The following ANO9 variants were observed in gnomAD, a reference collection of about 807,000 sequenced individuals.
The protein encoded by ANO9 is anoctamin 9, also known as anoctamin-9.
In ANO9, 80 loss-of-function variants were observed where a neutral mutation model predicts 100.5. The observed-to-expected ratio is 0.80, with a 90% CI of 0.66 to 0.96. The LOEUF (loss-of-function observed/expected upper bound fraction) is 0.96. Among genes scored for constraint, ANO9 ranks in the 40% least tolerant of loss-of-function variants. The pLI, the probability that ANO9 is intolerant of heterozygous loss-of-function variation, is 0.00. For synonymous variants in ANO9, 473 were observed against 435.6 expected (o/e 1.09, Z -1.07); for missense variants, 1,064 against 1,072.7 (o/e 0.99, Z 0.11).
intron 19 of ANO9, chr11:420,143 G>C (rs984260553): frequency 7.4e-7 from 1 of 1,345,112 alleles, no homozygotes; most frequent in Non-Finnish European, 9.6e-7. Flanking sequence ...TCTCAGCGTG[G>C]CCAGTCTTGG....
Position 420,958 on chromosome 11 carries a change from C to T in ANO9, c.1477G>A (p.Glu493Lys). ...GLKQTLSNCVEYLVPWVTHKC... is the reference protein window; with the variant it reads ...GLKQTLSNCVKYLVPWVTHKC... Reference sequence around the variant, plus strand: ...GTCGGCACTCACGGGACCAGGTACTCGACGCAGTTGCTGAGCGTCTGCTTC... The same window carrying T: ...GTCGGCACTCACGGGACCAGGTACTTGACGCAGTTGCTGAGCGTCTGCTTC... Residue 493 changes from glutamate (E) to lysine (K), a missense_variant, in exon 17 of 23, where the codon GAG (glutamate) becomes AAG (lysine). Physicochemically the swap from Glu to Lys is moderately conservative, Grantham distance 56. Transcript: ENST00000332826. 3 of 1,605,122 alleles carry T rather than the reference C, an allele frequency of 1.9e-6. No homozygotes were observed. Among genetic ancestry groups the T allele is most frequent in the Non-Finnish European group, 2.6e-6 (3 of 1,174,830 alleles).
chr11:425,028 GGA>G (rs1311790986), intron 15 of ANO9, among the ~76,000 whole-genome samples: 4 of 113,250 alleles, frequency 3.5e-5, no homozygotes, highest in African/African-American at 1.4e-4. Flanking sequence ...AAGGCGGCGT[GGA>G]GAGACGGGAC....
At position 431,759 on chromosome 11, in the gene ANO9, T is replaced by C. The variant is rs774050052; in HGVS notation, c.474A>G (p.Gly158=). ...EARFPLHKGE[G]RLKKTWARWR... ...ACCGCGCCCACGTCTTCTTCAGGCG[T>C]CCCTCCCCCTGGCTCGGGTGACAGA... Residue 158 remains glycine, a synonymous_variant, in exon 7 of 23, where the codon GGA becomes GGG. Coordinates refer to ENST00000332826, the MANE Select transcript of ANO9 (RefSeq NM_001012302.3). The C allele has an allele frequency of 6.2e-7, 1 of 1,612,530 alleles. No individual in the cohort carries two copies. Among genetic ancestry groups the C allele is most frequent in the Non-Finnish European group, 8.5e-7 (1 of 1,179,544 alleles).
At chr11:433,068 A>C in intron 4 of ANO9, 1 of 516,346 alleles carries the variant, frequency 1.9e-6, no homozygotes, top group Non-Finnish European at 3.3e-6. Flanking sequence ...CCCCAGGAAC[A>C]CAGGCAGCCA....
intron 20 of ANO9, 190 bp from the exon 21 acceptor site, chr11:419,179 G>A: frequency 7.0e-7 from 1 of 1,435,096 alleles, no homozygotes; most frequent in Non-Finnish European, 9.1e-7. Flanking sequence ...GGGACTGTGG[G>A]GACTCTGGGC....
At chr11:434,121 A>G in intron 1 of ANO9, 23 bp from the exon 2 acceptor site, 2 of 1,548,508 alleles carry the variant, frequency 1.3e-6, no homozygotes, top group South Asian at 1.2e-5. Context: ...GGGCAGAGAA[A>G]GGGATAGGAG....
intron 3 of ANO9, 82 bp from the exon 4 acceptor site, chr11:433,541 A>ACCTCAGAACCCTCCCCCCTCTATTCCG (rs1339803276): frequency 7.7e-6 from 11 of 1,434,318 alleles, no homozygotes; most frequent in South Asian, 4.8e-5. Context: ...CCTCTATTCC[A>ACCTCAGAACCCTCCCCCCTCTATTCCG]CCTCAGAACC....
chr11:438,933 C>T (rs1327844972), intron 1 of ANO9, among the ~76,000 whole-genome samples: 1 of 152,178 alleles, frequency 6.6e-6, no homozygotes, highest in Non-Finnish European at 1.5e-5. Flanking sequence ...CCTACACACT[C>T]AGTCTGAGGG....
Position 421,135 on chromosome 11 carries a change from A to G in ANO9, c.1392+6T>C. Reference sequence around the variant, plus strand: ...GGACAGGGCATGAAGCCTGGGGGTGACTGACCTCTTCCAGCTTCCACAAGC... The same window carrying G: ...GGACAGGGCATGAAGCCTGGGGGTGGCTGACCTCTTCCAGCTTCCACAAGC... On this transcript the variant is annotated splice_donor_region_variant and intron_variant, in intron 16 of 22. Coordinates refer to ENST00000332826, the MANE Select transcript of ANO9 (RefSeq NM_001012302.3). This position sits in a 1 kb window ranked among gnomAD's most constrained non-coding sequence, Gnocchi z 6.8. 6.4e-7 allele frequency: 1 copy of G among 1,568,884 alleles called. No individual in the cohort carries two copies. The highest frequency in any genetic ancestry group is 8.7e-7 in the Non-Finnish European group (1 of 1,152,360).
At position 428,471 on chromosome 11, in the gene ANO9, C is replaced by T; in HGVS notation, c.1185+4G>A. Reference sequence around the variant, plus strand: ...GCTCGGGCCTGCCCTGCTCCCGGCCCCACCTTGGTCATGATGATGATGGTC... The same window carrying T: ...GCTCGGGCCTGCCCTGCTCCCGGCCTCACCTTGGTCATGATGATGATGGTC... On this transcript the variant is annotated splice_donor_region_variant and intron_variant, in intron 13 of 22. Transcript: ENST00000332826. 6.2e-7 allele frequency: 1 copy of T among 1,612,436 alleles called. No homozygotes were observed.
chr11:424,700 CAA>C (rs1423746639), intron 15 of ANO9, among the ~76,000 whole-genome samples: 2 of 151,860 alleles, frequency 1.3e-5, no homozygotes, highest in Admixed American at 6.6e-5. Context: ...CTTTAGGAAA[CAA>C]GAGATAATTA....
At chr11:441,043 AG>A (rs1845834732) in intron 1 of ANO9, among the ~76,000 whole-genome samples, 1 of 152,092 alleles carries the variant, frequency 6.6e-6, no homozygotes, top group South Asian at 2.1e-4. Flanking sequence ...CCCTGAGCTC[AG>A]GCTAAGGGGC....
At chr11:436,300 CGG>C (rs1849536839) in intron 1 of ANO9, among the ~76,000 whole-genome samples, 1 of 152,078 alleles carries the variant, frequency 6.6e-6, no homozygotes, top group Admixed American at 6.5e-5. Context: ...CTCCCGACCT[CGG>C]GTGATCCACC....
At position 421,815 on chromosome 11, in the gene ANO9, CAA is replaced by C; in HGVS notation, c.1335-619_1335-618del. 6.6e-6 allele frequency among the ~76,000 whole-genome samples: 1 copy of C among 152,306 alleles called. No individual in the cohort carries two copies. Among genetic ancestry groups the C allele is most frequent in the East Asian group, 1.9e-4 (1 of 5,190 alleles). On this transcript the variant is annotated intron_variant, in intron 15 of 22. Transcript: ENST00000332826. The surrounding 1 kb of genome is among the most constrained non-coding windows in gnomAD (Gnocchi z 6.8). Reference sequence around the variant, plus strand: ...GAGAAATACATGAACTATCTTAAACCAAAAGTCAGGCTCATGGTCAGTGGTGA... The same window carrying C: ...GAGAAATACATGAACTATCTTAAACCAAGTCAGGCTCATGGTCAGTGGTGA...
chr11:420,625 G>T lies in ANO9; in HGVS notation c.1634-10C>A. The T allele has an allele frequency of 6.2e-7, 1 of 1,604,352 alleles. No homozygotes were observed. On this transcript the variant is annotated splice_polypyrimidine_tract_variant and intron_variant, in intron 18 of 22. Coordinates refer to ENST00000332826, the MANE Select transcript of ANO9 (RefSeq NM_001012302.3). Reference sequence around the variant, plus strand: ...AAGCCGTACTGGATCACTGCGCGGTGGGGGTCAGGCTCACCGGCGCCCCGC... The same window carrying T: ...AAGCCGTACTGGATCACTGCGCGGTTGGGGTCAGGCTCACCGGCGCCCCGC...
chr11:426,231 G>C (rs1848512549), intron 15 of ANO9, among the ~76,000 whole-genome samples: 1 of 152,128 alleles, frequency 6.6e-6, no homozygotes, highest in Non-Finnish European at 1.5e-5. Flanking sequence ...CAGGTGCAGT[G>C]GGTCACACCT....
chr11:433,517 T>C (rs1227181859), intron 3 of ANO9, 58 bp from the exon 4 acceptor site: 1 of 1,596,778 alleles, frequency 6.3e-7, no homozygotes, highest in Non-Finnish European at 8.5e-7. Flanking sequence ...CTATCCCGCC[T>C]CAGAACCCTC....
At position 418,386 on chromosome 11, in the gene ANO9, C is replaced by T. The variant is rs1847966985; in HGVS notation, c.2334G>A (p.Arg778=). Residue 778 remains arginine, a synonymous_variant, in exon 23 of 23, where the codon AGG becomes AGA. Coordinates refer to ENST00000332826, the MANE Select transcript of ANO9 (RefSeq NM_001012302.3). The stretch of plus-strand genomic sequence containing the variant: ...GGCTCTGGCCCTACACGTCTGTGCT[C>T]CTGGCACTGAAGATGGATGCTGGGG... ...HPTPASIFSA[R]STDV is the part of the protein sequence containing the mutation. The T allele has an allele frequency of 1.2e-6, 2 of 1,610,408 alleles. No homozygotes were observed. Among genetic ancestry groups the T allele is most frequent in the African/African-American group, 1.3e-5 (1 of 74,866 alleles).
intron 1 of ANO9, among the ~76,000 whole-genome samples, chr11:434,398 A>G (rs1849290613): frequency 1.3e-5 from 2 of 152,212 alleles, no homozygotes; most frequent in South Asian, 4.1e-4. Flanking sequence ...TGAGCAGCCC[A>G]CAGGGGAAGC....
Sources: allele counts gnomAD v4.1 joint callset (sites outside exome capture counted in the v4.1 genomes callset), GRCh38; gene constraint gnomAD v4.1.1; non-coding constraint Gnocchi (gnomAD v3.1); transcripts MANE v1.5; gene names NCBI Gene and HGNC (gene_info 2026-07-23, HGNC 2026-07-21).